Variants in FHIP2A observed in about 807,000 individuals in gnomAD.
The protein encoded by FHIP2A is family with sequence similarity 160 member B1.
FHIP2A carries 46 observed loss-of-function variants against 93.5 expected under a neutral mutation model. The ratio of observed to expected loss-of-function variants is 0.49; its 90% confidence interval spans 0.39 to 0.63. The LOEUF (loss-of-function observed/expected upper bound fraction) is 0.63. Among genes scored for constraint, FHIP2A ranks in the 20% least tolerant of loss-of-function variants. The pLI is 0.00. For synonymous variants in FHIP2A, 332 were observed against 326.5 expected (o/e 1.02, Z -0.18); for missense variants, 769 against 909.7 (o/e 0.85, Z 1.99).
chr10:114,865,802 C>CT (rs2083825898), downstream of FHIP2A, among the ~76,000 whole-genome samples: 1 of 114,350 alleles, frequency 8.7e-6, no homozygotes, highest in African/African-American at 3.5e-5. Flanking sequence ...ATCTATACCT[C>CT]TTTTCAAAAA....
intron 16 of FHIP2A, among the ~76,000 whole-genome samples, chr10:114,890,420 A>T (rs1367393070): frequency 6.6e-6 from 1 of 150,536 alleles, no homozygotes; most frequent in African/African-American, 2.4e-5. Context: ...GTGATTTATG[A>T]TTATATATAT....
At chr10:114,873,207 G>A (rs1385888529) in intron 16 of FHIP2A, among the ~76,000 whole-genome samples, 4 of 152,156 alleles carry the variant, frequency 2.6e-5, no homozygotes, top group African/African-American at 9.7e-5. Context: ...ATATATTTTT[G>A]TTGATTTTGG....
At chr10:114,896,923 G>T (rs558877724) in intron 16 of FHIP2A, among the ~76,000 whole-genome samples, 2 of 152,270 alleles carry the variant, frequency 1.3e-5, no homozygotes, top group African/African-American at 2.4e-5. Context: ...GTAAAGTAAA[G>T]GTTCCTCTTC....
Position 114,822,067 on chromosome 10 carries a change from TC to T in FHIP2A, c.-9del. On this transcript the variant is annotated 5_prime_UTR_variant, in exon 1 of 17. Coordinates refer to ENST00000369248, the MANE Select transcript of FHIP2A (RefSeq NM_020940.4). ...GTCGTCCCGGGAGAGGCTGCTGCAGTCCCGGGACAGGATGTTCTCCAAGTTC... is the reference window on the plus strand; with the variant it reads ...GTCGTCCCGGGAGAGGCTGCTGCAGTCCGGGACAGGATGTTCTCCAAGTTC... The T allele has an allele frequency of 7.5e-7, 1 of 1,325,270 alleles. No homozygotes were observed. The highest frequency in any genetic ancestry group is 9.9e-7 in the Non-Finnish European group (1 of 1,014,542). The allele number at this position is 1,325,270 out of a possible 1,614,324, so 82.1% of individuals were successfully genotyped here. A position where few individuals can be genotyped will look rare whatever the true frequency, so the allele number is the denominator to read the frequency against.
intron 5 of FHIP2A, 70 bp downstream of exon 5, chr10:114,836,316 G>T: frequency 1.6e-6 from 2 of 1,212,490 alleles, no homozygotes; most frequent in East Asian, 2.4e-5. Context: ...TGAATTATGT[G>T]AATAATATTA....
intron 5 of FHIP2A, among the ~76,000 whole-genome samples, chr10:114,838,772 GA>G (rs967467833): frequency 5.3e-5 from 8 of 152,250 alleles, no homozygotes; most frequent in African/African-American, 1.9e-4. Context: ...CCTGTCTTCG[GA>G]AAAACATTTA....
chr10:114,899,025 G>C (rs889962978), intron 16 of FHIP2A, among the ~76,000 whole-genome samples: 28 of 152,166 alleles, frequency 1.8e-4, no homozygotes, highest in African/African-American at 6.8e-4. Context: ...ACATTGCCAT[G>C]TGAAGAGGAA....
intron 12 of FHIP2A, 87 bp from the exon 13 acceptor site, chr10:114,848,560 T>C: frequency 1.4e-6 from 1 of 733,922 alleles, no homozygotes; most frequent in Non-Finnish European, 2.4e-6. Flanking sequence ...ATGAGAGTAT[T>C]GATTATGGTC....
chr10:114,839,895 AAAAAAAG>A (rs1385360291), intron 5 of FHIP2A, among the ~76,000 whole-genome samples: 2 of 151,830 alleles, frequency 1.3e-5, no homozygotes, highest in South Asian at 2.1e-4. Context: ...AAAAAAAAAA[AAAAAAAG>A]AAAAGAAACA....
At position 114,863,462 on chromosome 10, in the gene FHIP2A, T is replaced by C; in HGVS notation, c.*1922T>C. ...TCCTTGATTCCACTATGGGACCTTA[T>C]AACTAGTCCATGAAACCAAGCTCAG... On this transcript the variant is annotated 3_prime_UTR_variant, in exon 17 of 17. Transcript: ENST00000369248. 1 of 1,123,164 alleles carries C rather than the reference T, an allele frequency of 8.9e-7. No individual in the cohort carries two copies. The highest frequency in any genetic ancestry group is 1.1e-6 in the Non-Finnish European group (1 of 910,902). 69.6% of individuals were successfully genotyped at this position (1,123,164 alleles called of 1,614,324 possible).
At chr10:114,834,633 T>G (rs2143010266) in intron 3 of FHIP2A, among the ~76,000 whole-genome samples, 1 of 152,352 alleles carries the variant, frequency 6.6e-6, no homozygotes, top group East Asian at 1.9e-4. Context: ...TCATACTCTC[T>G]TAATCTGCAG....
downstream of FHIP2A, among the ~76,000 whole-genome samples, chr10:114,866,353 AT>A (rs536538063): frequency 3.9e-4 from 59 of 152,170 alleles, 1 homozygote; most frequent in South Asian, 0.011. Context: ...CATTTTCTTT[AT>A]CCAGTCTATC....
intron 16 of FHIP2A, chr10:114,899,425 A>T: frequency 1.4e-6 from 1 of 717,046 alleles, no homozygotes; most frequent in Non-Finnish European, 2.6e-6. Context: ...CCGTATGCTC[A>T]GGCTACATCC....
At chr10:114,875,106 G>A (rs964347656) in intron 16 of FHIP2A, among the ~76,000 whole-genome samples, 1 of 152,192 alleles carries the variant, frequency 6.6e-6, no homozygotes, top group Non-Finnish European at 1.5e-5. Context: ...GTTGCCACCA[G>A]GGACTGCAGG....
Position 114,862,930 on chromosome 10 carries a change from T to G in FHIP2A, c.*1390T>G. 2.0e-6 allele frequency: 2 copies of G among 985,434 alleles called. No homozygotes were observed. The highest frequency in any genetic ancestry group is 9.4e-5 in the South Asian group (2 of 21,286). 61.0% of individuals were successfully genotyped at this position (985,434 alleles called of 1,614,324 possible). ...ATGTAGCATGTTTGCATATACGCAT[T>G]GTGTGGCATGTGCATAGAGGCTTGT... is the stretch of plus-strand genomic sequence containing the variant. On this transcript the variant is annotated 3_prime_UTR_variant, in exon 17 of 17. Coordinates refer to ENST00000369248, the MANE Select transcript of FHIP2A (RefSeq NM_020940.4).
intron 16 of FHIP2A, among the ~76,000 whole-genome samples, chr10:114,871,223 G>A (rs2083858492): frequency 6.6e-6 from 1 of 151,788 alleles, no homozygotes; most frequent in Admixed American, 6.6e-5. Flanking sequence ...AACGATCATA[G>A]CACACTGCAA....
chr10:114,867,403 A>G (rs74158081), downstream of FHIP2A, among the ~76,000 whole-genome samples: 5,341 of 152,200 alleles, frequency 0.035, 261 homozygotes, highest in African/African-American at 0.11. Context: ...GTGATTTATG[A>G]TCTCTTTCTA....
At chr10:114,855,386 C>T in intron 14 of FHIP2A, 46 bp downstream of exon 14, 1 of 1,510,358 alleles carries the variant, frequency 6.6e-7, no homozygotes, top group Non-Finnish European at 9.1e-7. Context: ...TTTTGCCATT[C>T]ACCACAGAAT....
At position 114,881,658 on chromosome 10, in the gene FHIP2A, C is replaced by A. The variant is rs142410319; in HGVS notation, c.2193-17832C>A. ...TAGCCCCCACCATTTAGCCACAGAGCCTGGGTTTATGGAGCCACTAATTCA... is the reference window on the plus strand; with the variant it reads ...TAGCCCCCACCATTTAGCCACAGAGACTGGGTTTATGGAGCCACTAATTCA... On this transcript the variant is annotated intron_variant, in intron 16 of 16. Transcript: ENST00000369250. Among the ~76,000 whole-genome samples the A allele has an allele frequency of 3.9e-4, 60 of 152,058 alleles. No individual in the cohort carries two copies. The East Asian group carries it at 0.012, about 30-fold the overall frequency.
Sources: allele counts gnomAD v4.1 joint callset (sites outside exome capture counted in the v4.1 genomes callset), GRCh38; gene constraint gnomAD v4.1.1; transcripts MANE v1.5; gene names NCBI Gene and HGNC (gene_info 2026-07-23, HGNC 2026-07-21).